TMEM236: variants seen among roughly 807,000 people sequenced by gnomAD.
TMEM236 encodes family with sequence similarity 23, member A.
TMEM236 carries 11 observed loss-of-function variants against 14.7 expected under a neutral mutation model. The ratio of observed to expected loss-of-function variants is 0.75; its 90% CI spans 0.47 to 1.24. The LOEUF (loss-of-function observed/expected upper bound fraction) is 1.24, where lower values mean the gene tolerates loss of function less well. TMEM236 is among the 50% of genes most tolerant of loss of function. TMEM236 has a pLI of 0.00. For synonymous variants in TMEM236, 182 were observed against 168.6 expected (o/e 1.08, Z -0.62); for missense variants, 464 against 427.3 (o/e 1.09, Z -0.76).
chr10:17,771,490 A>C, intron 2 of TMEM236, 109 bp downstream of exon 2: 1 of 1,032,080 alleles, frequency 9.7e-7, no homozygotes, highest in Non-Finnish European at 1.5e-6. Flanking sequence ...CATCTATGTA[A>C]TCCAATCTTC....
chr10:17,767,818 G>A (rs982091847), intron 1 of TMEM236, among the ~76,000 whole-genome samples: 2 of 151,904 alleles, frequency 1.3e-5, no homozygotes, highest in African/African-American at 2.4e-5. Context: ...ATGTCACAAC[G>A]GTTGTAGGAG....
chr10:17,773,126 G>A (rs1837601132), intron 2 of TMEM236, among the ~76,000 whole-genome samples: 1 of 152,192 alleles, frequency 6.6e-6, no homozygotes. Flanking sequence ...GAATGCGGCA[G>A]TGAACATCTG....
intron 3 of TMEM236, among the ~76,000 whole-genome samples, chr10:17,780,006 A>G (rs991964954): frequency 6.6e-6 from 1 of 152,186 alleles, no homozygotes; most frequent in Non-Finnish European, 1.5e-5. Context: ...TTTTCTAAAG[A>G]GGTTTCAGGC....
At chr10:17,769,944 G>A (rs1227403610) in intron 1 of TMEM236, among the ~76,000 whole-genome samples, 15 of 152,278 alleles carry the variant, frequency 9.9e-5, no homozygotes, top group South Asian at 6.2e-4. Flanking sequence ...CCCAGTTAGT[G>A]AGAATAGTAC....
chr10:17,795,828 C>G, intron 3 of TMEM236, 93 bp from the exon 4 acceptor site: 1 of 1,290,288 alleles, frequency 7.8e-7, no homozygotes, highest in East Asian at 2.4e-5. Context: ...ATGGAGAATT[C>G]CACCTTTAAA....
In TMEM236 at chr10:17,796,115, G is replaced by A. The variant is rs34460919; in HGVS notation, c.667G>A (p.Gly223Arg). The A allele has an allele frequency of 0.12, 191,098 of 1,613,678 alleles. 12,931 individuals are homozygous for A. Among genetic ancestry groups the A allele is most frequent in the African/African-American group, 0.28 (20,822 of 74,900 alleles). Residue 223 changes from glycine (G) to arginine (R), a missense_variant, in exon 4 of 4, where the codon GGA becomes AGA. Gly to Arg is a moderately radical substitution (Grantham distance 125). Coordinates refer to ENST00000377495, the MANE Select transcript of TMEM236 (RefSeq NM_001098844.3). The part of the protein sequence containing the change: ...MGPQEPSCDS[G>R]ILRMMSRRDV... ...ACCCCAGGAGCCCTCCTGTGACTCCGGAATCCTGAGAATGATGTCCCGGCG... is the reference window on the plus strand; with the variant it reads ...ACCCCAGGAGCCCTCCTGTGACTCCAGAATCCTGAGAATGATGTCCCGGCG...
In TMEM236 at chr10:17,752,436, C is replaced by G; in HGVS notation, c.141C>G (p.Tyr47Ter). The G allele has an allele frequency of 6.2e-7, 1 of 1,614,024 alleles. No individual in the cohort carries two copies. The highest frequency in any genetic ancestry group is 1.3e-5 in the African/African-American group (1 of 75,060). ...GGGCTAGATCTGACAACACACACTACTGGCTGATCATCTCCTGTTCTATTG... is the reference window on the plus strand; with the variant it reads ...GGGCTAGATCTGACAACACACACTAGTGGCTGATCATCTCCTGTTCTATTG... ...GTRARSDNTH[Y>*]WLIISCSIAY... The change falls in exon 1 of 4, where the codon TAC becomes TAG. Residue 47 changes from tyrosine (Y) to a stop codon, truncating the protein, a stop_gained. Coordinates refer to ENST00000377495, the MANE Select transcript of TMEM236 (RefSeq NM_001098844.3). LOFTEE classifies it high-confidence loss of function.
Position 17,796,541 on chromosome 10 carries a change from C to T in TMEM236, c.*37C>T. 1 of 1,501,762 alleles carries T rather than the reference C, an allele frequency of 6.7e-7. No individual in the cohort carries two copies. The highest frequency in any genetic ancestry group is 9.3e-7 in the Non-Finnish European group (1 of 1,078,500). 93.0% of individuals were successfully genotyped at this position (1,501,762 alleles called of 1,614,324 possible). A position where few individuals can be genotyped will look rare whatever the true frequency, so the allele number is the denominator to read the frequency against. On this transcript the variant is annotated 3_prime_UTR_variant, in exon 4 of 4. Coordinates refer to ENST00000377495, the MANE Select transcript of TMEM236 (RefSeq NM_001098844.3). ...GATCTAGTAAGGCCTCTTTGTGATA[C>T]CTGTGTGCACATTTGTAATCCTTCT...
intron 3 of TMEM236, among the ~76,000 whole-genome samples, chr10:17,777,724 T>C (rs1157131615): frequency 2.0e-5 from 3 of 152,174 alleles, no homozygotes; most frequent in Non-Finnish European, 2.9e-5. Context: ...CATTTTATTT[T>C]TGTTAGTGAT....
intron 3 of TMEM236, among the ~76,000 whole-genome samples, chr10:17,787,440 C>T (rs1837856165): frequency 6.6e-6 from 1 of 152,208 alleles, no homozygotes; most frequent in South Asian, 2.1e-4. Flanking sequence ...GCCATAGGGG[C>T]ATCTGAGTGG....
Position 17,798,599 on chromosome 10 carries a change from T to C in TMEM236, c.*2095T>C. ...ACGCTCCACCAAATACCTCTCCCCT[T>C]GCCACCCTGTCTCCCTTTCCCTCTG... On this transcript the variant is annotated 3_prime_UTR_variant, in exon 4 of 4. Coordinates refer to ENST00000377495, the MANE Select transcript of TMEM236 (RefSeq NM_001098844.3). 5.6e-6 allele frequency: 3 copies of C among 534,350 alleles called. No individual in the cohort carries two copies. In the Admixed American group the frequency reaches 5.8e-5, roughly 10 times the overall value. 33.1% of individuals were successfully genotyped at this position (534,350 alleles called of 1,614,324 possible). A position where few individuals can be genotyped will look rare whatever the true frequency, so the allele number is the denominator to read the frequency against.
At chr10:17,763,796 C>T (rs992057173) in intron 1 of TMEM236, among the ~76,000 whole-genome samples, 13 of 152,146 alleles carry the variant, frequency 8.5e-5, no homozygotes, top group African/African-American at 2.4e-4. Flanking sequence ...TTGGCAGCAT[C>T]GCAGAGTGGT....
At chr10:17,791,601 G>T (rs1837926955) in intron 3 of TMEM236, among the ~76,000 whole-genome samples, 1 of 152,124 alleles carries the variant, frequency 6.6e-6, no homozygotes, top group African/African-American at 2.4e-5. Context: ...CTTCCTCTCT[G>T]CATCCCCCAC....
intron 3 of TMEM236, among the ~76,000 whole-genome samples, chr10:17,786,202 G>T (rs1188324228): frequency 2.6e-5 from 4 of 152,126 alleles, no homozygotes; most frequent in Non-Finnish European, 5.9e-5. Flanking sequence ...GGGAATAAAA[G>T]AATTCAGCAT....
chr10:17,786,105 G>A (rs1218123953), intron 3 of TMEM236, among the ~76,000 whole-genome samples: 2 of 152,104 alleles, frequency 1.3e-5, no homozygotes, highest in Non-Finnish European at 2.9e-5. Context: ...CAAAAGAATT[G>A]TGAATAATTT....
chr10:17,792,626 T>C (rs1383073459), intron 3 of TMEM236, among the ~76,000 whole-genome samples: 1 of 152,208 alleles, frequency 6.6e-6, no homozygotes, highest in Admixed American at 6.5e-5. Context: ...TTCTTGGTCA[T>C]TTAGCTTACA....
intron 1 of TMEM236, among the ~76,000 whole-genome samples, chr10:17,764,023 G>A (rs1267056816): frequency 1.3e-5 from 2 of 152,120 alleles, no homozygotes; most frequent in African/African-American, 4.8e-5. Context: ...AACTCATTGA[G>A]TTGTCGTAAA....
At chr10:17,754,492 T>C (rs1298087238) in intron 1 of TMEM236, among the ~76,000 whole-genome samples, 1 of 151,800 alleles carries the variant, frequency 6.6e-6, no homozygotes, top group African/African-American at 2.4e-5. Context: ...ACCCGGCTAC[T>C]TTTTTTGTGT....
At chr10:17,790,172 A>G (rs1023750410) in intron 3 of TMEM236, among the ~76,000 whole-genome samples, 8 of 151,136 alleles carry the variant, frequency 5.3e-5, no homozygotes, top group African/African-American at 4.9e-5. Flanking sequence ...CAAAGCTGCA[A>G]TGAGCCAGGA....
Sources: gnomAD v4.1 joint callset for allele counts (sites outside exome capture counted in the v4.1 genomes callset) on GRCh38, gnomAD v4.1.1 for gene constraint, MANE v1.5 for transcripts, NCBI Gene and HGNC (gene_info 2026-07-23, HGNC 2026-07-21) for gene names.